Variants in ATPAF2 observed in about 807,000 individuals in gnomAD.
The protein encoded by ATPAF2 is ATP synthase mitochondrial F1 complex assembly factor 2.
Under a neutral mutation model 36.6 loss-of-function variants are expected in ATPAF2, and 30 were observed. That is an observed-to-expected ratio of 0.82 (90% CI 0.61 to 1.11). The LOEUF (loss-of-function observed/expected upper bound fraction) is 1.11, where lower values mean the gene tolerates loss of function less well. Ranked by LOEUF, ATPAF2 falls within the 50% of genes most tolerant of loss-of-function variation. ATPAF2 has a pLI of 0.00. For missense variants in ATPAF2, 321 were observed against 372.3 expected (o/e 0.86, Z 1.13); for synonymous variants, 140 against 152.6 (o/e 0.92, Z 0.61).
At chr17:18,015,607 G>GCC, downstream of ATPAF2, 2 of 157,118 alleles carry the variant, frequency 1.3e-5, no homozygotes, top group Admixed American at 6.2e-5. Flanking sequence ...ACAACTGTGG[G>GCC]GTGAACACCC....
downstream of ATPAF2, among the ~76,000 whole-genome samples, chr17:18,017,461 C>T (rs2044401019): frequency 6.6e-6 from 1 of 152,230 alleles, no homozygotes. Flanking sequence ...GGCTGCAGCT[C>T]CCACCACAGT....
At chr17:18,035,808 C>T (rs1272293319) in intron 1 of ATPAF2, among the ~76,000 whole-genome samples, 2 of 152,246 alleles carry the variant, frequency 1.3e-5, no homozygotes, top group African/African-American at 4.8e-5. Context: ...CCTCAATCCA[C>T]ACCACTATTC....
chr17:18,026,664 A>T, intron 3 of ATPAF2: 1 of 579,328 alleles, frequency 1.7e-6, no homozygotes. Context: ...AGGATTAGTG[A>T]ACCTCCCCCA....
chr17:18,022,420 T>C (rs1285166161), intron 5 of ATPAF2, among the ~76,000 whole-genome samples: 1 of 152,038 alleles, frequency 6.6e-6, no homozygotes, highest in Admixed American at 6.6e-5. Context: ...TAGCTGGGAC[T>C]ACAGGCATGT....
intron 1 of ATPAF2, among the ~76,000 whole-genome samples, chr17:18,037,592 C>CA (rs748882673): frequency 8.6e-5 from 13 of 151,286 alleles, no homozygotes; most frequent in African/African-American, 2.2e-4. Context: ...CAAAAAAACA[C>CA]AAAAAAACAG....
chr17:18,017,171 C>CAAAAAAA (rs59274380), downstream of ATPAF2, among the ~76,000 whole-genome samples: 6 of 43,644 alleles, frequency 1.4e-4, no homozygotes, highest in Non-Finnish European at 1.8e-4. Flanking sequence ...GACTTCGTCT[C>CAAAAAAA]AAAAAAAAAA....
At chr17:18,036,791 G>A (rs1283197449) in intron 1 of ATPAF2, among the ~76,000 whole-genome samples, 1 of 152,182 alleles carries the variant, frequency 6.6e-6, no homozygotes, top group Non-Finnish European at 1.5e-5. Context: ...AACCCTTTGT[G>A]GTCAGGCATG....
intron 4 of ATPAF2, chr17:18,025,223 C>A: frequency 4.4e-6 from 1 of 225,288 alleles, no homozygotes; most frequent in Non-Finnish European, 8.9e-6. Context: ...GACCAAATAG[C>A]CTGTTTATAC....
intron 3 of ATPAF2, chr17:18,027,984 G>C: frequency 1.8e-6 from 1 of 548,072 alleles, no homozygotes; most frequent in Non-Finnish European, 3.3e-6. Context: ...CAATGAAGGT[G>C]ACATCTGTCC....
In ATPAF2 at chr17:18,018,654, A is replaced by G. The variant is rs1452688268; in HGVS notation, c.765T>C (p.His255=). The G allele has an allele frequency of 6.2e-7, 1 of 1,614,028 alleles. No individual in the cohort carries two copies. Among genetic ancestry groups the G allele is most frequent in the African/African-American group, 1.3e-5 (1 of 75,042 alleles). The change falls in exon 8 of 8, where the codon CAT becomes CAC. Residue 255 remains histidine, a synonymous_variant. Coordinates refer to ENST00000474627, the MANE Select transcript of ATPAF2 (RefSeq NM_145691.4). ...CCCGCAGCTCCTGCAGCTCATAGTC[A>G]TGGGCCCACTCAATGTTGCCCCACT... ...IQKWGNIEWA[H]DYELQELRAR...
chr17:18,018,565 T>C lies in ATPAF2; in HGVS notation c.854A>G (p.Lys285Arg). Residue 285 changes from lysine (K) to arginine (R), a missense_variant, in exon 8 of 8, where the codon AAG becomes AGG. Coordinates refer to ENST00000474627, the MANE Select transcript of ATPAF2 (RefSeq NM_145691.4). ...LCSESTTVKH[K>R]LLKE ...GCCCAGGCCTCACTCCTTCAGGAGC[T>C]TGTGCTTGACTGTGGTGCTCTCGGA... is the stretch of plus-strand genomic sequence containing the variant. 6.2e-7 allele frequency: 1 copy of C among 1,613,792 alleles called. No individual in the cohort carries two copies. Among genetic ancestry groups the C allele is most frequent in the Non-Finnish European group, 8.5e-7 (1 of 1,180,026 alleles).
intron 1 of ATPAF2, among the ~76,000 whole-genome samples, chr17:18,034,481 G>A (rs577057506): frequency 6.6e-6 from 1 of 152,140 alleles, no homozygotes; most frequent in African/African-American, 2.4e-5. Context: ...CATTAAGCAC[G>A]TGAAAAGATA....
chr17:18,023,051 C>A (rs1423909188), intron 5 of ATPAF2, among the ~76,000 whole-genome samples: 1 of 150,988 alleles, frequency 6.6e-6, no homozygotes, highest in Non-Finnish European at 1.5e-5. Flanking sequence ...TGGCATAAAA[C>A]CTGGGAGGCG....
chr17:18,018,661 C>T lies in ATPAF2; in HGVS notation c.758G>A (p.Trp253Ter). Residue 253 changes from tryptophan (W) to a stop codon, truncating the protein, a stop_gained, in exon 8 of 8, where the codon TGG becomes TAG. Coordinates refer to ENST00000474627, the MANE Select transcript of ATPAF2 (RefSeq NM_145691.4). LOFTEE classifies it high-confidence loss of function. ...YQIQKWGNIE[W>*]AHDYELQELR... ...CTCCTGCAGCTCATAGTCATGGGCC[C>T]ACTCAATGTTGCCCCACTTCTGGAT... is the stretch of plus-strand genomic sequence containing the variant. The T allele has an allele frequency of 6.2e-7, 1 of 1,614,062 alleles. No individual in the cohort carries two copies. Among genetic ancestry groups the T allele is most frequent in the Non-Finnish European group, 8.5e-7 (1 of 1,180,026 alleles).
Position 18,021,240 on chromosome 17 carries a change from T to C in ATPAF2, c.617-2A>G, listed in dbSNP as rs1367713477. Reference sequence around the variant, plus strand: ...GCTGGGCAGCTACAAACTCAATCCCTGCAGGGACACAAGCCAAGTCAGAAC... The same window carrying C: ...GCTGGGCAGCTACAAACTCAATCCCCGCAGGGACACAAGCCAAGTCAGAAC... On this transcript the variant is annotated splice_acceptor_variant, in intron 6 of 7. Coordinates refer to ENST00000474627, the MANE Select transcript of ATPAF2 (RefSeq NM_145691.4). LOFTEE classifies it high-confidence loss of function. 6.2e-7 allele frequency: 1 copy of C among 1,611,094 alleles called. No homozygotes were observed.
chr17:18,030,320 CAAAAAAAAAAA>C (rs1162130285), intron 1 of ATPAF2, among the ~76,000 whole-genome samples: 3,362 of 64,170 alleles, frequency 0.052, 93 homozygotes, highest in Middle Eastern at 0.13. Flanking sequence ...GACTCCATCT[CAAAAAAAAAAA>C]AAAAAAAAAA....
rs2044750176 is a variant in ATPAF2 at position 18,038,988 on chromosome 17, C to T, written c.26G>A (p.Arg9Gln). ...ATTCAGGAGACGGCGTCCCCCGTCCCGCAGCCGGAGGCAGCTCCTCCACAT... is the reference window on the plus strand; with the variant it reads ...ATTCAGGAGACGGCGTCCCCCGTCCTGCAGCCGGAGGCAGCTCCTCCACAT... MWRSCLRL[R>Q]DGGRRLLNRP... is the part of the protein sequence containing the mutation. Residue 9 changes from arginine to glutamine, a missense_variant, in exon 1 of 8, where the codon CGG (arginine) becomes CAG (glutamine). Around this residue, in one of 3 missense-constraint regions of ATPAF2, gnomAD observed 69 missense variants for 60.1 expected, o/e 1.15. Coordinates refer to ENST00000474627, the MANE Select transcript of ATPAF2 (RefSeq NM_145691.4). 1 of 1,610,850 alleles carries T rather than the reference C, an allele frequency of 6.2e-7. No individual in the cohort carries two copies. The highest frequency in any genetic ancestry group is 1.7e-5 in the Admixed American group (1 of 59,394).
chr17:18,017,336 C>T (rs1157171093), downstream of ATPAF2, among the ~76,000 whole-genome samples: 1 of 152,194 alleles, frequency 6.6e-6, no homozygotes, highest in East Asian at 1.9e-4. Context: ...GACACGTGCC[C>T]CTGCCGTTTC....
Position 18,018,657 on chromosome 17 carries a change from G to A in ATPAF2, c.762C>T (p.Ala254=), listed in dbSNP as rs2044420336. 7 of 1,614,070 alleles carry A rather than the reference G, an allele frequency of 4.3e-6. No homozygotes were observed. The highest frequency in any genetic ancestry group is 5.9e-6 in the Non-Finnish European group (7 of 1,180,032). Residue 254 remains alanine, a synonymous_variant, in exon 8 of 8, where the codon GCC becomes GCT. Transcript: ENST00000474627. ...QIQKWGNIEW[A]HDYELQELRA... Reference sequence around the variant, plus strand: ...GCAGCTCCTGCAGCTCATAGTCATGGGCCCACTCAATGTTGCCCCACTTCT... The same window carrying A: ...GCAGCTCCTGCAGCTCATAGTCATGAGCCCACTCAATGTTGCCCCACTTCT...
Sources: allele counts gnomAD v4.1 joint callset (sites outside exome capture counted in the v4.1 genomes callset), GRCh38; gene constraint gnomAD v4.1.1; regional missense constraint gnomAD v4.1.1; transcripts MANE v1.5; gene names NCBI Gene and HGNC (gene_info 2026-07-23, HGNC 2026-07-21).